Variants in DCX observed in about 807,000 individuals in gnomAD.
DCX encodes the protein neuronal migration protein doublecortin.
DCX carries 4 observed loss-of-function variants against 20.9 expected under a neutral mutation model. The ratio of observed to expected loss-of-function variants is 0.19; its 90% CI spans 0.09 to 0.44. The LOEUF is 0.44. Ranked by LOEUF, DCX falls within the 20% of genes least tolerant of loss-of-function variation. DCX has a pLI of 0.99. For missense variants in DCX, 133 were observed against 296.9 expected, an observed-to-expected ratio of 0.45 and a Z score of 4.06; for synonymous variants, 103 against 111.4, an observed-to-expected ratio of 0.92 and a Z score of 0.47.
chrX:111,388,924 A>C (rs958967461), intron 3 of DCX, among the ~76,000 whole-genome samples: 3 of 112,093 alleles, frequency 2.7e-5, no homozygotes, highest in African/African-American at 9.7e-5. Context: ...AGTAAGTTAC[A>C]TGGGACATTT....
At chrX:111,373,723 G>A (rs1172836536) in intron 3 of DCX, among the ~76,000 whole-genome samples, 1 of 111,228 alleles carries the variant, frequency 9.0e-6, no homozygotes, top group Non-Finnish European at 1.9e-5. Flanking sequence ...ATAATAATAT[G>A]AATATATGCC....
intron 2 of DCX, among the ~76,000 whole-genome samples, chrX:111,404,285 G>A (rs1928045921): frequency 9.0e-6 from 1 of 111,401 alleles, no homozygotes; most frequent in African/African-American, 3.3e-5. Context: ...AGTATCAAGG[G>A]CAACCATCTA....
At chrX:111,357,211 G>A (rs1428505637) in intron 3 of DCX, among the ~76,000 whole-genome samples, 1 of 111,678 alleles carries the variant, frequency 9.0e-6, no homozygotes, top group East Asian at 2.8e-4. Context: ...ATAGTGCAAA[G>A]ATCTCTGAAA....
intron 3 of DCX, among the ~76,000 whole-genome samples, chrX:111,352,933 T>C (rs1005186660): frequency 2.7e-5 from 3 of 109,757 alleles, no homozygotes; most frequent in Non-Finnish European, 3.8e-5. Flanking sequence ...CTGGCTTAAG[T>C]AGAGGTAGAA....
At chrX:111,347,552 T>C (rs748011617) in intron 3 of DCX, among the ~76,000 whole-genome samples, 1 of 111,257 alleles carries the variant, frequency 9.0e-6, no homozygotes, top group African/African-American at 3.3e-5. Flanking sequence ...AGGGAAAAAT[T>C]GATATTCTTT....
chrX:111,322,524 T>C (rs2095089013), intron 5 of DCX, among the ~76,000 whole-genome samples: 1 of 112,427 alleles, frequency 8.9e-6, no homozygotes. Context: ...TACCTTGTTT[T>C]CCCCTTACAA....
chrX:111,328,579 A>G (rs1569488463), intron 5 of DCX, among the ~76,000 whole-genome samples: 1 of 111,991 alleles, frequency 8.9e-6, no homozygotes, highest in East Asian at 2.8e-4. Flanking sequence ...AAACAGATCT[A>G]CAAATTCTTC....
intron 2 of DCX, among the ~76,000 whole-genome samples, chrX:111,408,094 T>C (rs1928352806): frequency 9.0e-6 from 1 of 111,279 alleles, no homozygotes; most frequent in South Asian, 3.8e-4. Context: ...GACTGAGATG[T>C]GGATTTTACA....
chrX:111,385,686 A>C (rs1926357533), intron 3 of DCX, among the ~76,000 whole-genome samples: 1 of 103,269 alleles, frequency 9.7e-6, no homozygotes, highest in Non-Finnish European at 2.0e-5. Context: ...AAAGAAAGAG[A>C]AAGAAAGCAA....
At chrX:111,388,603 C>CT (rs1603421923) in intron 3 of DCX, among the ~76,000 whole-genome samples, 1 of 112,189 alleles carries the variant, frequency 8.9e-6, no homozygotes, top group East Asian at 2.8e-4. Context: ...TTCTTGGAGT[C>CT]TTTTTTCCAA....
At chrX:111,316,157 T>C in intron 5 of DCX, among the ~76,000 whole-genome samples, 1 of 107,333 alleles carries the variant, frequency 9.3e-6, no homozygotes, top group Admixed American at 1.0e-4. Flanking sequence ...TCATACTGAA[T>C]GGGCAAAAGC....
At chrX:111,330,767 G>A (rs950686819) in intron 5 of DCX, 137 bp downstream of exon 5, 79 of 946,739 alleles carry the variant, frequency 8.3e-5, no homozygotes, top group Non-Finnish European at 1.1e-4. Flanking sequence ...AAGTTTGACT[G>A]TTTTAGTCCC....
chrX:111,358,059 C>T (rs1207869073), intron 3 of DCX, among the ~76,000 whole-genome samples: 1 of 111,328 alleles, frequency 9.0e-6, no homozygotes, highest in East Asian at 2.9e-4. Context: ...AACTCCTGGC[C>T]TCTGGTGGTC....
At chrX:111,302,634 T>C (rs1288492730) in intron 6 of DCX, among the ~76,000 whole-genome samples, 4 of 112,389 alleles carry the variant, frequency 3.6e-5, no homozygotes, top group Non-Finnish European at 7.5e-5. Context: ...TTTTATTATT[T>C]TTCATTTTAG....
At chrX:111,342,889 C>T (rs1163149508) in intron 3 of DCX, among the ~76,000 whole-genome samples, 3 of 111,210 alleles carry the variant, frequency 2.7e-5, no homozygotes, top group Non-Finnish European at 3.8e-5. Context: ...AGACTACGTA[C>T]CAGAATCCCT....
chrX:111,368,901 T>TATACACAC (rs1467693516), intron 3 of DCX, among the ~76,000 whole-genome samples: 5,398 of 98,216 alleles, frequency 0.055, 397 homozygotes, highest in African/African-American at 0.19. Flanking sequence ...TATATATACA[T>TATACACAC]ACACACACAC....
chrX:111,330,939 C>T lies in DCX; in HGVS notation c.911G>A (p.Ser304Asn), dbSNP rs778828770. 1.7e-6 allele frequency: 2 copies of T among 1,212,020 alleles called. No homozygotes were observed. Among genetic ancestry groups the T allele is most frequent in the Non-Finnish European group, 2.2e-6 (2 of 895,528 alleles). The change falls in exon 5 of 7, where the codon AGC becomes AAC. Residue 304 changes from serine to asparagine, a missense_variant. This residue lies in a region of DCX where 68 missense variants were observed against 84.3 expected (regional missense o/e 0.81). Transcript: ENST00000636035. ...GTTACCTGAGTCAGCTGGAGACTTG[C>T]TTCGGCGCATAGGACCAGGGCTCTT... ...SAKSPGPMRR[S>N]KSPADSGNDQ...
rs140511620 is a variant in DCX, at chrX:111,385,519, G to A, written c.705+15471C>T. 5.0e-3 allele frequency among the ~76,000 whole-genome samples: 548 copies of A among 109,722 alleles called. 3 individuals carry two copies. Among genetic ancestry groups the A allele is most frequent in the African/African-American group, 0.017 (505 of 30,175 alleles). Reference sequence around the variant, plus strand: ...AAAAATACAAAAATTAGCCAGGTGTGGTGGTAGGCACCTGTAATCCCAGAT... The same window carrying A: ...AAAAATACAAAAATTAGCCAGGTGTAGTGGTAGGCACCTGTAATCCCAGAT... On this transcript the variant is annotated intron_variant, in intron 3 of 6. Coordinates refer to ENST00000636035, the MANE Select transcript of DCX (RefSeq NM_001195553.2).
chrX:111,333,733 G>T (rs150980835), intron 3 of DCX, among the ~76,000 whole-genome samples: 40 of 112,230 alleles, frequency 3.6e-4, no homozygotes, highest in Non-Finnish European at 6.8e-4. Context: ...AACCAGAAGA[G>T]GAAAACTTCA....
Sources: gnomAD v4.1 joint callset for allele counts (sites outside exome capture counted in the v4.1 genomes callset) on GRCh38, gnomAD v4.1.1 for gene constraint, gnomAD v4.1.1 regional missense constraint, MANE v1.5 for transcripts, NCBI Gene and HGNC (gene_info 2026-07-23, HGNC 2026-07-21) for gene names.